Variants in DNMT1 observed in about 807,000 individuals in gnomAD.
The protein encoded by DNMT1 is DNA methyltransferase 1, also known as DNA (cytosine-5)-methyltransferase 1.
A neutral mutation model predicts 205.3 loss-of-function variants in DNMT1; 24 were observed. That is an observed-to-expected ratio of 0.12 (90% CI 0.08 to 0.16). The LOEUF is 0.16. Among genes scored for constraint, DNMT1 ranks in the 10% least tolerant of loss-of-function variants. DNMT1 has a pLI of 1.00. For synonymous variants in DNMT1, 817 were observed against 839.8 expected, an observed-to-expected ratio of 0.97 and a Z score of 0.47; for missense variants, 1,293 against 2,177.7, an observed-to-expected ratio of 0.59 and a Z score of 8.09.
At chr19:10,186,667 C>T (rs1216199340) in intron 1 of DNMT1, among the ~76,000 whole-genome samples, 16 of 151,588 alleles carry the variant, frequency 1.1e-4, no homozygotes, top group Admixed American at 9.9e-4. Flanking sequence ...GAAGAAACTT[C>T]GTCTTTACTA....
rs768745074 is a variant in DNMT1, at chr19:10,194,850, G to A, written c.50C>T (p.Ala17Val). The change falls in exon 1 of 41, where the codon GCC becomes GTC. Residue 17 changes from alanine (A) to valine (V), a missense_variant. By Grantham distance (64) the Ala-to-Val change is moderately conservative. Around this residue, in one of 13 missense-constraint regions of DNMT1, gnomAD observed 394 missense variants for 451.6 expected, o/e 0.87. Transcript: ENST00000359526. The part of the protein sequence containing the change: ...PARVPTLAVP[A>V]ISLPDDVRRR... ...GCGGACATCGTCGGGCAGCGAGATG[G>A]CCGGGACGGCCAGTGTGGGCACCCG... 4 of 1,611,520 alleles carry A rather than the reference G, an allele frequency of 2.5e-6. No individual in the cohort carries two copies. Among genetic ancestry groups the A allele is most frequent in the Non-Finnish European group, 3.4e-6 (4 of 1,179,216 alleles).
intron 1 of DNMT1, among the ~76,000 whole-genome samples, chr19:10,182,287 G>A (rs531912239): frequency 1.3e-5 from 2 of 151,932 alleles, no homozygotes; most frequent in African/African-American, 4.8e-5. Flanking sequence ...ATCTGAACAA[G>A]GTTCCCCTTT....
At chr19:10,165,220 G>A (rs192444999) in intron 11 of DNMT1, among the ~76,000 whole-genome samples, 22 of 152,216 alleles carry the variant, frequency 1.4e-4, no homozygotes, top group Non-Finnish European at 2.6e-4. Flanking sequence ...ACAGTGAACC[G>A]TGATTGCACC....
At chr19:10,182,478 CATATATATGTGTATATATAT>C (rs2039081074) in intron 1 of DNMT1, among the ~76,000 whole-genome samples, 1 of 108,782 alleles carries the variant, frequency 9.2e-6, no homozygotes, top group Non-Finnish European at 1.9e-5. Context: ...TATATATATA[CATATATATGTGTATATATAT>C]GTGTGTATAT....
chr19:10,177,397 A>G (rs987379621), intron 5 of DNMT1, 30 bp from the exon 6 acceptor site: 1 of 1,475,464 alleles, frequency 6.8e-7, no homozygotes. Context: ...CATTAAAAAG[A>G]AAAAAAAAAG....
At chr19:10,180,936 T>G (rs149650461) in intron 2 of DNMT1, 51 bp from the exon 3 acceptor site, 1 of 1,461,420 alleles carries the variant, frequency 6.8e-7, no homozygotes, top group South Asian at 1.1e-5. Flanking sequence ...AGCTATTCAC[T>G]AGTGGACTAA....
chr19:10,156,772 C>T lies in DNMT1; in HGVS notation c.1281-263G>A, dbSNP rs975139197. Among the ~76,000 whole-genome samples the T allele has an allele frequency of 6.6e-6, 1 of 152,102 alleles. No homozygotes were observed. Among genetic ancestry groups the T allele is most frequent in the African/African-American group, 2.4e-5 (1 of 41,418 alleles). On this transcript the variant is annotated intron_variant, in intron 17 of 40. Coordinates refer to ENST00000359526, the MANE Select transcript of DNMT1 (RefSeq NM_001130823.3). The surrounding 1 kb of genome is among the most constrained non-coding windows in gnomAD (Gnocchi z 4.2). Reference sequence around the variant, plus strand: ...AGCTGGGATTACAGGCCTGAACCACCATGCCCGGCTAATTGTTGTATTTTT... The same window carrying T: ...AGCTGGGATTACAGGCCTGAACCACTATGCCCGGCTAATTGTTGTATTTTT...
rs144087245 is a variant in DNMT1 at position 10,164,100 on chromosome 19, C to T, written c.892-740G>A. The stretch of plus-strand genomic sequence containing the variant: ...CCCATCTGAATGTTGGTCAGAGATG[C>T]CAGTGGTTTAATACAAAAAGCAGCA... On this transcript the variant is annotated intron_variant, in intron 11 of 40. Transcript: ENST00000359526. 9.1e-3 allele frequency among the ~76,000 whole-genome samples: 1,385 copies of T among 152,110 alleles called. 11 individuals carry two copies. The highest frequency in any genetic ancestry group is 0.012 in the Non-Finnish European group (832 of 67,998).
chr19:10,158,570 G>A (rs1568237289), intron 17 of DNMT1, among the ~76,000 whole-genome samples: 4 of 152,246 alleles, frequency 2.6e-5, no homozygotes, highest in Admixed American at 2.6e-4. Flanking sequence ...AAGCCCTGGA[G>A]GGTAACTGCA....
At chr19:10,165,968 T>C (rs1473226999) in intron 11 of DNMT1, among the ~76,000 whole-genome samples, 3 of 152,028 alleles carry the variant, frequency 2.0e-5, no homozygotes, top group Non-Finnish European at 4.4e-5. Context: ...TGGGCTCCAC[T>C]CTCTAGATTG....
intron 9 of DNMT1, among the ~76,000 whole-genome samples, chr19:10,172,031 A>C (rs1032032299): frequency 6.6e-6 from 1 of 151,806 alleles, no homozygotes; most frequent in Non-Finnish European, 1.5e-5. Context: ...AAATTAAATT[A>C]AATAAATACC....
chr19:10,173,493 C>CTT (rs747516765), intron 8 of DNMT1, among the ~76,000 whole-genome samples: 6 of 141,542 alleles, frequency 4.2e-5, no homozygotes, highest in South Asian at 2.3e-4. Flanking sequence ...TCTTTTTAAA[C>CTT]TTTTTTTTTT....
intron 1 of DNMT1, among the ~76,000 whole-genome samples, chr19:10,190,852 C>T (rs933433916): frequency 2.0e-5 from 3 of 151,850 alleles, no homozygotes; most frequent in African/African-American, 7.3e-5. Flanking sequence ...CACCATCATA[C>T]CTGTAATCCC....
chr19:10,159,546 G>A lies in DNMT1; in HGVS notation c.1280+112C>T, dbSNP rs1372619227. On this transcript the variant is annotated intron_variant, in intron 17 of 40. Coordinates refer to ENST00000359526, the MANE Select transcript of DNMT1 (RefSeq NM_001130823.3). This position sits in a 1 kb window ranked among gnomAD's most constrained non-coding sequence, Gnocchi z 5.0. ...TCTTATCCACGAAGTGTTAGCTTAA[G>A]ACATGTTGCAGGTCAGGCACTAAAA... 1.8e-6 allele frequency: 2 copies of A among 1,097,698 alleles called. No individual in the cohort carries two copies. The highest frequency in any genetic ancestry group is 3.1e-5 in the African/African-American group (2 of 64,638). The allele number at this position is 1,097,698 out of a possible 1,614,324, so 68.0% of individuals were successfully genotyped here.
chr19:10,167,289 G>A (rs1044915407), intron 10 of DNMT1, among the ~76,000 whole-genome samples: 2 of 151,328 alleles, frequency 1.3e-5, no homozygotes, highest in Non-Finnish European at 2.9e-5. Flanking sequence ...ACCGCCTCCC[G>A]GGTTCAAGTG....
chr19:10,182,503 G>A (rs2039085436), intron 1 of DNMT1, among the ~76,000 whole-genome samples: 1 of 89,290 alleles, frequency 1.1e-5, no homozygotes, highest in African/African-American at 4.4e-5. Context: ...ATATATGTGT[G>A]TATATATATA....
chr19:10,143,317 T>TGG (rs1300580822), intron 29 of DNMT1, among the ~76,000 whole-genome samples: 1 of 151,284 alleles, frequency 6.6e-6, no homozygotes, highest in Non-Finnish European at 1.5e-5. Context: ...TGGGTTTCAG[T>TGG]GATCCCTTCA....
intron 1 of DNMT1, among the ~76,000 whole-genome samples, chr19:10,185,499 A>G (rs2039161183): frequency 6.6e-6 from 1 of 151,736 alleles, no homozygotes; most frequent in South Asian, 2.1e-4. Flanking sequence ...TATAGACTGT[A>G]TATTATATAT....
intron 14 of DNMT1, 38 bp from the exon 15 acceptor site, chr19:10,160,101 A>C: frequency 6.2e-7 from 1 of 1,610,070 alleles, no homozygotes; most frequent in Non-Finnish European, 8.5e-7. Context: ...CGTTTGTTTA[A>C]TTGTTTCAGA....
Sources: gnomAD v4.1 joint callset for allele counts (sites outside exome capture counted in the v4.1 genomes callset) on GRCh38, gnomAD v4.1.1 for gene constraint, gnomAD v4.1.1 regional missense constraint, Gnocchi (gnomAD v3.1) non-coding constraint, MANE v1.5 for transcripts, NCBI Gene and HGNC (gene_info 2026-07-23, HGNC 2026-07-21) for gene names.